The following CSF1R variants were observed in gnomAD, a reference collection of about 807,000 sequenced individuals.
CSF1R encodes the protein macrophage colony-stimulating factor 1 receptor.
Under a neutral mutation model 110.0 loss-of-function variants are expected in CSF1R, and 40 were observed. The observed-to-expected ratio is 0.36, with a 90% CI of 0.28 to 0.47. The LOEUF (loss-of-function observed/expected upper bound fraction) is 0.47, where lower values mean the gene tolerates loss of function less well. CSF1R is among the 20% of genes least tolerant of loss of function. The pLI, the probability that CSF1R is intolerant of heterozygous loss-of-function variation, is 0.99. For synonymous variants in CSF1R, 523 were observed against 503.4 expected, an observed-to-expected ratio of 1.04 and a Z score of -0.52; for missense variants, 1,052 against 1,253.0, an observed-to-expected ratio of 0.84 and a Z score of 2.42.
Position 150,077,092 on chromosome 5 carries a change from T to A in CSF1R, c.889+184A>T, listed in dbSNP as rs1375860400. On this transcript the variant is annotated intron_variant, in intron 5 of 20. Transcript: ENST00000675795. Reference sequence around the variant, plus strand: ...TAAGAGCTCCAAGATGGGAGAGAGATCCCAGGAGAGGGTAAGGGAAAGCTC... The same window carrying A: ...TAAGAGCTCCAAGATGGGAGAGAGAACCCAGGAGAGGGTAAGGGAAAGCTC... 7 of 726,132 alleles carry A rather than the reference T, an allele frequency of 9.6e-6. 1 individual carries two copies. In the South Asian group the frequency reaches 9.8e-5, roughly 10 times the overall value. 45.0% of individuals were successfully genotyped at this position (726,132 alleles called of 1,614,324 possible).
At chr5:150,110,884 T>C (rs888740790) in intron 1 of CSF1R, among the ~76,000 whole-genome samples, 19 of 151,916 alleles carry the variant, frequency 1.3e-4, no homozygotes, top group Non-Finnish European at 8.8e-5. Flanking sequence ...AATACAGGCA[T>C]ATATGACATA....
At chr5:150,069,010 C>G (rs115352583) in intron 9 of CSF1R, among the ~76,000 whole-genome samples, 1 of 152,116 alleles carries the variant, frequency 6.6e-6, no homozygotes, top group Admixed American at 6.6e-5. Flanking sequence ...AGGAGTTAAT[C>G]GAGATAATCC....
chr5:150,109,998 C>T (rs750292532), intron 1 of CSF1R, among the ~76,000 whole-genome samples: 15 of 152,170 alleles, frequency 9.9e-5, no homozygotes, highest in Non-Finnish European at 1.9e-4. Flanking sequence ...TAAAGTTTAA[C>T]TTCCTGGATC....
At chr5:150,085,985 A>G (rs1322046191) in intron 1 of CSF1R, among the ~76,000 whole-genome samples, 1 of 152,202 alleles carries the variant, frequency 6.6e-6, no homozygotes, top group Non-Finnish European at 1.5e-5. Context: ...CTGAATCTGC[A>G]TTGTAACAAA....
In CSF1R at chr5:150,053,541, G is replaced by A. The variant is rs189742476; in HGVS notation, c.*528C>T. 57 of 238,396 alleles carry A rather than the reference G, an allele frequency of 2.4e-4. No homozygotes were observed. Among genetic ancestry groups the A allele is most frequent in the East Asian group, 9.6e-4 (16 of 16,624 alleles). The allele number at this position is 238,396 out of a possible 1,614,324, so 14.8% of individuals were successfully genotyped here. On this transcript the variant is annotated 3_prime_UTR_variant, in exon 21 of 21. Transcript: ENST00000675795. ...GGTGAGGCTGTGGAGTGAAGGCGGC[G>A]TATAGGGCAGAGACTAAGAGGTCCT...
intron 6 of CSF1R, among the ~76,000 whole-genome samples, chr5:150,071,763 G>A (rs3776074): frequency 0.26 from 39,922 of 151,880 alleles, 6,516 homozygotes; most frequent in East Asian, 0.51. Context: ...CCATGGACCA[G>A]CCCCCTCCAA....
chr5:150,100,290 C>CTTTTTTTTTTTTTTTTTTTTTTT lies in CSF1R; in HGVS notation c.-181+12948_-181+12970dup, dbSNP rs752638971. Among the ~76,000 whole-genome samples, 2 of 89,348 alleles carry CTTTTTTTTTTTTTTTTTTTTTTT rather than the reference C, an allele frequency of 2.2e-5. 1 individual carries two copies. The highest frequency in any genetic ancestry group is 4.2e-5 in the Non-Finnish European group (2 of 48,176). 58.6% of individuals were successfully genotyped at this position (89,348 alleles called of 152,430 possible). On this transcript the variant is annotated intron_variant, in intron 1 of 21. Coordinates refer to the CSF1R transcript ENST00000286301. ...AGTGAACCTAAGATCATTGGCTAACCTTTTTTTTTTTTTTTTTTTTTTTCT... is the reference window on the plus strand; with the variant it reads ...AGTGAACCTAAGATCATTGGCTAACCTTTTTTTTTTTTTTTTTTTTTTTTTTTTTTTTTTTTTTTTTTTTTTCT...
chr5:150,068,218 C>T lies in CSF1R; in HGVS notation c.1623G>A (p.Lys541=). 1.2e-6 allele frequency: 2 copies of T among 1,610,682 alleles called. No individual in the cohort carries two copies. The highest frequency in any genetic ancestry group is 1.7e-5 in the Admixed American group (1 of 59,978). ...LLLLLLLYKY[K]QKPKYQVRWK... is the part of the protein sequence containing the mutation. The stretch of plus-strand genomic sequence containing the variant: ...GCCCCACTCCGCTCCGGCTCACCTG[C>T]TTATACTTGTACAATAGCAGCAGGA... The change falls in exon 10 of 21, where the codon AAG becomes AAA. Residue 541 remains lysine (K), a synonymous_variant. Coordinates refer to ENST00000675795, the MANE Select transcript of CSF1R (RefSeq NM_001288705.3).
chr5:150,073,487 G>C lies in CSF1R; in HGVS notation c.896C>G (p.Ala299Gly). 1 of 1,612,778 alleles carries C rather than the reference G, an allele frequency of 6.2e-7. No individual in the cohort carries two copies. Among genetic ancestry groups the C allele is most frequent in the Non-Finnish European group, 8.5e-7 (1 of 1,179,066 alleles). The change falls in exon 6 of 21, where the codon GCC (alanine) becomes GGC (glycine). Residue 299 changes from alanine (A) to glycine (G), a missense_variant. This residue lies in a region of CSF1R where 693 missense variants were observed against 735.4 expected (regional missense o/e 0.94). Coordinates refer to ENST00000675795, the MANE Select transcript of CSF1R (RefSeq NM_001288705.3). ...CTGCTCAGAGCTCAAGTTCAAGTAG[G>C]CACTCTCTGGAAAGCAGAACACACA... ...TSMFFRVVESAYLNLSSEQNL... is the reference protein window; with the variant it reads ...TSMFFRVVESGYLNLSSEQNL...
intron 17 of CSF1R, 35 bp downstream of exon 17, chr5:150,056,184 C>T: frequency 1.9e-6 from 3 of 1,614,210 alleles, no homozygotes; most frequent in Non-Finnish European, 2.5e-6. Context: ...TCTTCACCCC[C>T]TCCCCAGCCT....
upstream of CSF1R, among the ~76,000 whole-genome samples, chr5:150,091,461 T>C (rs1189063056): frequency 6.6e-6 from 1 of 152,238 alleles, no homozygotes; most frequent in Non-Finnish European, 1.5e-5. Flanking sequence ...TGGTACCTGC[T>C]ACACTGTGGA....
At chr5:150,108,862 A>T (rs1196564637) in intron 1 of CSF1R, among the ~76,000 whole-genome samples, 9 of 152,236 alleles carry the variant, frequency 5.9e-5, no homozygotes, top group Admixed American at 2.6e-4. Context: ...TGCCAAGAAC[A>T]TGTGGGTGAG....
chr5:150,094,489 A>C (rs1162414659), intron 1 of CSF1R: 1 of 1,599,524 alleles, frequency 6.3e-7, no homozygotes, highest in Non-Finnish European at 8.5e-7. Flanking sequence ...GAATATAGGC[A>C]GATGTACAGG....
At chr5:150,065,610 G>A (rs1581298799) in intron 10 of CSF1R, among the ~76,000 whole-genome samples, 1 of 152,248 alleles carries the variant, frequency 6.6e-6, no homozygotes, top group South Asian at 2.1e-4. Context: ...ACCTCATGGG[G>A]CAAGGCAGAG....
chr5:150,055,161 G>A (rs2113776065), intron 19 of CSF1R, 76 bp downstream of exon 19: 1 of 1,311,684 alleles, frequency 7.6e-7, no homozygotes, highest in Non-Finnish European at 1.1e-6. Flanking sequence ...GGAAAGATCA[G>A]GGCCACACGG....
At chr5:150,093,482 T>C (rs1382090788) in intron 1 of CSF1R, among the ~76,000 whole-genome samples, 1 of 152,200 alleles carries the variant, frequency 6.6e-6, no homozygotes, top group Non-Finnish European at 1.5e-5. Flanking sequence ...TTTTTCTCTC[T>C]TTTTAATAAC....
intron 1 of CSF1R, among the ~76,000 whole-genome samples, chr5:150,093,837 G>A (rs1368310356): frequency 2.0e-5 from 3 of 152,198 alleles, no homozygotes; most frequent in African/African-American, 7.2e-5. Context: ...GCCAAGGTGG[G>A]CAGGTCACCT....
intron 10 of CSF1R, among the ~76,000 whole-genome samples, chr5:150,065,486 T>C (rs1313511330): frequency 6.6e-6 from 1 of 152,194 alleles, no homozygotes; most frequent in African/African-American, 2.4e-5. Flanking sequence ...AGAAAGGTGA[T>C]GATTCAGCCC....
At chr5:150,083,089 C>G (rs893237591) in intron 1 of CSF1R, among the ~76,000 whole-genome samples, 2 of 152,004 alleles carry the variant, frequency 1.3e-5, no homozygotes, top group Non-Finnish European at 2.9e-5. Context: ...GGCTGATACC[C>G]GCAACTTCCG....
Sources: gnomAD v4.1 joint callset for allele counts (sites outside exome capture counted in the v4.1 genomes callset) on GRCh38, gnomAD v4.1.1 for gene constraint, gnomAD v4.1.1 regional missense constraint, MANE v1.5 for transcripts, NCBI Gene and HGNC (gene_info 2026-07-23, HGNC 2026-07-21) for gene names.